Variants in NRXN3 observed in about 807,000 individuals in gnomAD.
The protein encoded by NRXN3 is neurexin 3, also known as neurexin III.
A neutral mutation model predicts 137.6 loss-of-function variants in NRXN3; 32 were observed. The ratio of observed to expected loss-of-function variants is 0.23; its 90% CI spans 0.18 to 0.31. The LOEUF (loss-of-function observed/expected upper bound fraction) is 0.31, where lower values mean the gene tolerates loss of function less well. Ranked by LOEUF, NRXN3 falls within the 10% of genes least tolerant of loss-of-function variation. NRXN3 has a pLI of 1.00. For missense variants in NRXN3, 1,574 were observed against 2,062.5 expected (o/e 0.76, Z 4.59); for synonymous variants, 798 against 784.5 (o/e 1.02, Z -0.29).
At chr14:79,859,027 A>G (rs2099408929) in intron 20 of NRXN3, among the ~76,000 whole-genome samples, 1 of 151,448 alleles carries the variant, frequency 6.6e-6, no homozygotes, top group Admixed American at 6.6e-5. Flanking sequence ...TAGTACAGTA[A>G]GTGTGAATCT....
chr14:79,345,574 AG>A (rs1566864096), intron 15 of NRXN3, among the ~76,000 whole-genome samples: 1 of 152,148 alleles, frequency 6.6e-6, no homozygotes, highest in African/African-American at 2.4e-5. Context: ...TAGAATCCCC[AG>A]TGTTGGCGAT....
chr14:78,306,010 G>A (rs748721245), intron 4 of NRXN3, among the ~76,000 whole-genome samples: 20 of 152,102 alleles, frequency 1.3e-4, no homozygotes, highest in Admixed American at 2.6e-4. Context: ...TATGAAAAGT[G>A]TGTTTTTTTC....
chr14:78,230,080 A>G (rs914945400), intron 1 of NRXN3, among the ~76,000 whole-genome samples: 2 of 152,098 alleles, frequency 1.3e-5, no homozygotes, highest in Non-Finnish European at 2.9e-5. Flanking sequence ...GCTAGAGTGC[A>G]GTGGCACGAT....
intron 4 of NRXN3, among the ~76,000 whole-genome samples, chr14:78,644,374 T>C (rs923493527): frequency 1.3e-5 from 2 of 152,112 alleles, no homozygotes; most frequent in African/African-American, 4.8e-5. Flanking sequence ...AAGAAGAGAA[T>C]GCCGTCCTGG....
intron 2 of NRXN3, among the ~76,000 whole-genome samples, chr14:78,244,966 A>G (rs1398300586): frequency 2.6e-5 from 4 of 152,250 alleles, no homozygotes; most frequent in Non-Finnish European, 4.4e-5. Flanking sequence ...GAGGTGGCTC[A>G]AACTTTAACT....
chr14:78,706,151 T>A (rs1022477082), intron 6 of NRXN3, among the ~76,000 whole-genome samples: 7 of 152,198 alleles, frequency 4.6e-5, no homozygotes, highest in African/African-American at 1.7e-4. Context: ...GATGACCTAT[T>A]GTTATACATT....
intron 15 of NRXN3, among the ~76,000 whole-genome samples, chr14:79,144,222 C>A (rs1467724565): frequency 2.0e-5 from 3 of 152,146 alleles, no homozygotes; most frequent in Non-Finnish European, 4.4e-5. Context: ...TTTTCTACTT[C>A]AACACAGTCC....
At chr14:79,420,899 A>G (rs934708234) in intron 15 of NRXN3, among the ~76,000 whole-genome samples, 4 of 152,148 alleles carry the variant, frequency 2.6e-5, no homozygotes, top group Admixed American at 2.6e-4. Context: ...TTTAGGAGAA[A>G]AAGGAGGTGT....
chr14:79,338,358 G>C (rs565948836), intron 15 of NRXN3, among the ~76,000 whole-genome samples: 12 of 152,008 alleles, frequency 7.9e-5, no homozygotes, highest in Non-Finnish European at 2.9e-5. Flanking sequence ...GGGTAGTTAC[G>C]GCAGCCTTCA....
At chr14:79,133,980 G>T (rs1372490734) in intron 15 of NRXN3, among the ~76,000 whole-genome samples, 1 of 150,912 alleles carries the variant, frequency 6.6e-6, no homozygotes, top group South Asian at 2.1e-4. Flanking sequence ...GAACAAATAC[G>T]TTATTTACTG....
At chr14:79,470,917 TGTGA>T (rs1412161639) in intron 16 of NRXN3, among the ~76,000 whole-genome samples, 9 of 122,242 alleles carry the variant, frequency 7.4e-5, no homozygotes, top group South Asian at 7.3e-4. Flanking sequence ...TGTGTGTGTG[TGTGA>T]GAGAGAGAGA....
At chr14:79,068,822 AATT>A (rs2099683902) in intron 15 of NRXN3, among the ~76,000 whole-genome samples, 2 of 152,086 alleles carry the variant, frequency 1.3e-5, no homozygotes, top group Admixed American at 6.6e-5. Flanking sequence ...TCCAGTGAAG[AATT>A]ATTAGATGTT....
At chr14:78,673,259 C>T (rs918787578) in intron 6 of NRXN3, among the ~76,000 whole-genome samples, 4 of 152,212 alleles carry the variant, frequency 2.6e-5, no homozygotes, top group African/African-American at 9.6e-5. Flanking sequence ...CCTGCATGGG[C>T]AAGATTCATT....
intron 15 of NRXN3, among the ~76,000 whole-genome samples, chr14:79,233,895 C>G (rs145256481): frequency 0.025 from 3,844 of 151,814 alleles, 114 homozygotes; most frequent in Admixed American, 0.084. Flanking sequence ...TCAGATCAAA[C>G]CAAGTCTAAA....
chr14:78,416,733 A>G (rs1415114756), intron 4 of NRXN3, among the ~76,000 whole-genome samples: 1 of 152,198 alleles, frequency 6.6e-6, no homozygotes, highest in Non-Finnish European at 1.5e-5. Context: ...CCAGGTGGGC[A>G]CTGTTGCTTC....
In NRXN3 at chr14:79,863,643, A is replaced by G. The variant is rs932067177; in HGVS notation, c.*1679A>G. The G allele has an allele frequency of 6.6e-6, 1 of 152,500 alleles. No homozygotes were observed. The highest frequency in any genetic ancestry group is 2.4e-5 in the African/African-American group (1 of 41,412). 9.4% of individuals were successfully genotyped at this position (152,500 alleles called of 1,614,324 possible). On this transcript the variant is annotated 3_prime_UTR_variant, in exon 21 of 21. Coordinates refer to ENST00000335750, the MANE Select transcript of NRXN3 (RefSeq NM_001330195.2). ...TCCTGTTTATTTCTGTTTGGTTTATATTCTGGTTGTCTTTTTCTTTTTGTA... is the reference window on the plus strand; with the variant it reads ...TCCTGTTTATTTCTGTTTGGTTTATGTTCTGGTTGTCTTTTTCTTTTTGTA...
At chr14:78,922,509 CA>C (rs1266353131) in intron 10 of NRXN3, among the ~76,000 whole-genome samples, 1 of 152,062 alleles carries the variant, frequency 6.6e-6, no homozygotes, top group East Asian at 1.9e-4. Flanking sequence ...GGCCTTCGTC[CA>C]ATTTAGATGC....
intron 19 of NRXN3, among the ~76,000 whole-genome samples, chr14:79,719,269 G>A (rs1356486443): frequency 1.7e-5 from 2 of 117,552 alleles, no homozygotes; most frequent in African/African-American, 6.3e-5. Context: ...GTGTGTGTGT[G>A]TGTGTGTACA....
rs904583827 is a variant in NRXN3, at chr14:78,278,762, A to C, written c.727+100A>C. The C allele has an allele frequency of 6.5e-6, 6 of 927,836 alleles. No individual in the cohort carries two copies. In the African/African-American group the frequency reaches 6.5e-5, roughly 10 times the overall value. The allele number at this position is 927,836 out of a possible 1,614,324, so 57.5% of individuals were successfully genotyped here. A position where few individuals can be genotyped will look rare whatever the true frequency, so the allele number is the denominator to read the frequency against. On this transcript the variant is annotated intron_variant, in intron 3 of 20. Transcript: ENST00000335750. ...AGACTTTTATAGAGACAAAATTCTAAGTGTATTGCATTTTCACTGATCTAG... is the reference window on the plus strand; with the variant it reads ...AGACTTTTATAGAGACAAAATTCTACGTGTATTGCATTTTCACTGATCTAG...
Sources: gnomAD v4.1 joint callset for allele counts (sites outside exome capture counted in the v4.1 genomes callset) on GRCh38, gnomAD v4.1.1 for gene constraint, MANE v1.5 for transcripts, NCBI Gene and HGNC (gene_info 2026-07-23, HGNC 2026-07-21) for gene names.